EHBP1: variants seen among roughly 807,000 people sequenced by gnomAD.
EHBP1 encodes the protein EH domain-binding protein 1.
In EHBP1, 55 loss-of-function variants were observed where a neutral mutation model predicts 144.0. That is an observed-to-expected ratio of 0.38 (90% CI 0.31 to 0.48). EHBP1 has a LOEUF of 0.48. Among genes scored for constraint, EHBP1 ranks in the 20% least tolerant of loss-of-function variants. The probability of loss-of-function intolerance (pLI) is 0.98; values close to 1 mark genes in which losing one functional copy is unlikely to be tolerated. For missense variants in EHBP1, 1,200 were observed against 1,364.2 expected (o/e 0.88, Z 1.90); for synonymous variants, 469 against 472.7 (o/e 0.99, Z 0.10).
intron 13 of EHBP1, among the ~76,000 whole-genome samples, chr2:62,950,016 A>G (rs1285836220): frequency 6.6e-6 from 1 of 152,196 alleles, no homozygotes; most frequent in Non-Finnish European, 1.5e-5. Context: ...ACACTCGTGT[A>G]TATATAAGGA....
intron 7 of EHBP1, among the ~76,000 whole-genome samples, chr2:62,832,286 T>C (rs1290128535): frequency 6.6e-6 from 1 of 152,148 alleles, no homozygotes; most frequent in East Asian, 1.9e-4. Context: ...ATTTGTAGTC[T>C]AGATATGTGA....
At chr2:62,812,648 C>T (rs1378042940) in intron 5 of EHBP1, among the ~76,000 whole-genome samples, 1 of 151,966 alleles carries the variant, frequency 6.6e-6, no homozygotes, top group Non-Finnish European at 1.5e-5. Context: ...TATGAAGTTG[C>T]AAAGAATTTG....
intron 18 of EHBP1, among the ~76,000 whole-genome samples, chr2:62,995,988 C>T (rs2059614265): frequency 6.6e-6 from 1 of 151,868 alleles, no homozygotes; most frequent in Non-Finnish European, 1.5e-5. Flanking sequence ...GGTTTGAAAC[C>T]ACCTGTCAGG....
intron 7 of EHBP1, among the ~76,000 whole-genome samples, chr2:62,848,156 G>A (rs944690418): frequency 4.8e-5 from 7 of 146,212 alleles, no homozygotes; most frequent in African/African-American, 1.8e-4. Flanking sequence ...TCAGCTCACT[G>A]CAACCTCCAC....
chr2:62,950,580 A>G (rs908079650), intron 13 of EHBP1, among the ~76,000 whole-genome samples: 1 of 152,210 alleles, frequency 6.6e-6, no homozygotes, highest in East Asian at 1.9e-4. Context: ...AAAATGACAA[A>G]TATCAGTAGA....
chr2:62,880,939 A>G lies in EHBP1; in HGVS notation c.1185+6407A>G, dbSNP rs190592171. ...AAGTATATACCCAAACATACTAGGT[A>G]TGTTTATCACAGCACTATTCACAAT... On this transcript the variant is annotated intron_variant, in intron 10 of 22. Transcript: ENST00000431489. 5.2e-3 allele frequency among the ~76,000 whole-genome samples: 799 copies of G among 152,230 alleles called. 5 individuals carry two copies. Among genetic ancestry groups the G allele is most frequent in the Middle Eastern group, 0.014 (4 of 294 alleles).
chr2:62,903,538 G>C (rs890828269), intron 10 of EHBP1, among the ~76,000 whole-genome samples: 1 of 152,174 alleles, frequency 6.6e-6, no homozygotes, highest in Non-Finnish European at 1.5e-5. Flanking sequence ...CGAGGTGGGA[G>C]GATTGCTTGT....
intron 13 of EHBP1, among the ~76,000 whole-genome samples, chr2:62,954,901 G>A (rs2057602909): frequency 6.6e-6 from 1 of 152,144 alleles, no homozygotes; most frequent in African/African-American, 2.4e-5. Context: ...GACAGTATCT[G>A]TTGTTCTCCA....
intron 2 of EHBP1, among the ~76,000 whole-genome samples, chr2:62,724,581 C>G (rs759818882): frequency 6.6e-6 from 1 of 151,626 alleles, no homozygotes; most frequent in Non-Finnish European, 1.5e-5. Flanking sequence ...TTTTGTTGGT[C>G]CTTTTTCATC....
chr2:63,008,509 C>T (rs1288431589), intron 19 of EHBP1, among the ~76,000 whole-genome samples: 1 of 150,868 alleles, frequency 6.6e-6, no homozygotes, highest in East Asian at 1.9e-4. Context: ...TTTTCTATTA[C>T]AAAACGCTGA....
At chr2:62,798,402 C>G (rs1466791569) in intron 5 of EHBP1, among the ~76,000 whole-genome samples, 1 of 151,764 alleles carries the variant, frequency 6.6e-6, no homozygotes, top group Non-Finnish European at 1.5e-5. Flanking sequence ...GTAGAAATCT[C>G]AATTCTCTTT....
chr2:62,776,367 G>A (rs565707647), intron 5 of EHBP1, among the ~76,000 whole-genome samples: 2 of 152,156 alleles, frequency 1.3e-5, no homozygotes, highest in South Asian at 4.2e-4. Context: ...ATAAAATGAT[G>A]GTATTAATAT....
intron 14 of EHBP1, among the ~76,000 whole-genome samples, chr2:62,965,918 TAC>T (rs1283944745): frequency 6.6e-6 from 1 of 152,192 alleles, no homozygotes; most frequent in Non-Finnish European, 1.5e-5. Context: ...TGAGGGAAAA[TAC>T]AGTGTCTTTT....
At chr2:62,910,095 A>G (rs1169188399) in intron 10 of EHBP1, among the ~76,000 whole-genome samples, 6 of 151,876 alleles carry the variant, frequency 4.0e-5, no homozygotes, top group African/African-American at 9.7e-5. Flanking sequence ...AGTATCCCCT[A>G]CTCTAGGTGA....
intron 19 of EHBP1, 127 bp from the exon 20 acceptor site, chr2:63,037,408 A>C: frequency 1.7e-6 from 1 of 600,544 alleles, no homozygotes; most frequent in Non-Finnish European, 2.9e-6. Flanking sequence ...TAACCTTCTT[A>C]TAAGCAGTTT....
intron 15 of EHBP1, among the ~76,000 whole-genome samples, chr2:62,985,349 C>T (rs761242615): frequency 2.0e-4 from 30 of 152,072 alleles, no homozygotes; most frequent in African/African-American, 2.7e-4. Flanking sequence ...TAATAATTGA[C>T]GCTGCTCTAA....
At chr2:62,960,828 CA>C (rs2057963748) in intron 14 of EHBP1, among the ~76,000 whole-genome samples, 1 of 152,226 alleles carries the variant, frequency 6.6e-6, no homozygotes, top group African/African-American at 2.4e-5. Flanking sequence ...AAGTCAGTTA[CA>C]GATAAGATTA....
chr2:62,907,083 A>G (rs2053866038), intron 10 of EHBP1, among the ~76,000 whole-genome samples: 1 of 152,194 alleles, frequency 6.6e-6, no homozygotes, highest in Admixed American at 6.5e-5. Flanking sequence ...GCTCTTATGG[A>G]TAAAATGCTG....
At chr2:62,957,346 A>G (rs1264019259) in intron 14 of EHBP1, among the ~76,000 whole-genome samples, 3 of 152,206 alleles carry the variant, frequency 2.0e-5, no homozygotes, top group African/African-American at 7.2e-5. Flanking sequence ...AAGGAACTTT[A>G]TTACTTTATT....
Sources: gnomAD v4.1 joint callset for allele counts (sites outside exome capture counted in the v4.1 genomes callset) on GRCh38, gnomAD v4.1.1 for gene constraint, MANE v1.5 for transcripts, NCBI Gene and HGNC (gene_info 2026-07-23, HGNC 2026-07-21) for gene names.